The following RPS10 variants were observed in gnomAD, a reference collection of about 807,000 sequenced individuals.
RPS10 encodes small ribosomal subunit protein eS10.
RPS10 carries 2 observed loss-of-function variants against 22.6 expected under a neutral mutation model. The observed-to-expected ratio is 0.09, with a 90% CI of 0.04 to 0.28. The LOEUF (loss-of-function observed/expected upper bound fraction) is 0.28, where lower values mean the gene tolerates loss of function less well. Among genes scored for constraint, RPS10 ranks in the 10% least tolerant of loss-of-function variants. RPS10 has a pLI of 1.00. For missense variants in RPS10, 137 were observed against 222.2 expected (o/e 0.62, Z 2.44); for synonymous variants, 70 against 75.9 (o/e 0.92, Z 0.40).
chr6:34,425,305 C>G, intron 1 of RPS10, 84 bp from the exon 2 acceptor site: 4 of 1,513,986 alleles, frequency 2.6e-6, no homozygotes, highest in Non-Finnish European at 3.6e-6. Context: ...CTAAAGTGAC[C>G]CACACAAAAC....
intron 4 of RPS10, among the ~76,000 whole-genome samples, chr6:34,420,481 G>C (rs912970643): frequency 2.0e-5 from 3 of 152,028 alleles, no homozygotes; most frequent in Non-Finnish European, 4.4e-5. Flanking sequence ...GCCTCCCAAA[G>C]TGCTGGGATT....
In RPS10 at chr6:34,418,087, AC is replaced by A; in HGVS notation, c.456+281del. 7 of 1,212,186 alleles carry A rather than the reference AC, an allele frequency of 5.8e-6. No homozygotes were observed. In the South Asian group the frequency reaches 1.1e-4, roughly 19 times the overall value. 75.1% of individuals were successfully genotyped at this position (1,212,186 alleles called of 1,614,324 possible). ...TCATACCATCTTGGTTCTTAAGCCC[AC>A]CCACCTTCCAGTGTTTAGTTCAATG... On this transcript the variant is annotated intron_variant, in intron 5 of 5. Transcript: ENST00000648437.
rs1765895694 is a variant in RPS10, at chr6:34,424,775, G to C, written c.216C>G (p.Thr72=). 1 of 1,613,980 alleles carries C rather than the reference G, an allele frequency of 6.2e-7. No individual in the cohort carries two copies. Among genetic ancestry groups the C allele is most frequent in the Admixed American group, 1.7e-5 (1 of 59,990 alleles). The change falls in exon 3 of 6, where the codon ACC becomes ACG. Residue 72 remains threonine (T), a synonymous_variant. Coordinates refer to ENST00000648437, the MANE Select transcript of RPS10 (RefSeq NM_001014.5). ...FAWRHFYWYL[T]NEGIQYLRDY... is the part of the protein sequence containing the mutation. ...CACGGAGATACTGGATACCCTCATTGGTAAGGTACCAGTAGAAATGTCTCC... is the reference window on the plus strand; with the variant it reads ...CACGGAGATACTGGATACCCTCATTCGTAAGGTACCAGTAGAAATGTCTCC...
chr6:34,425,369 G>C, intron 1 of RPS10, 148 bp from the exon 2 acceptor site: 1 of 1,002,464 alleles, frequency 1.0e-6, no homozygotes, highest in Non-Finnish European at 1.5e-6. Context: ...ATTCGGCAGA[G>C]GCCAGCTCCG....
intron 5 of RPS10, 151 bp downstream of exon 5, chr6:34,418,218 A>C: frequency 6.5e-7 from 1 of 1,539,672 alleles, no homozygotes; most frequent in Non-Finnish European, 8.8e-7. Context: ...CTACAACTCA[A>C]TGTAAAATTT....
At chr6:34,425,326 A>G (rs1039176026) in intron 1 of RPS10, 105 bp from the exon 2 acceptor site, 66 of 1,444,112 alleles carry the variant, frequency 4.6e-5, no homozygotes, top group Middle Eastern at 1.7e-4. Context: ...CGTAGACAAC[A>G]TGCTGGTGGG....
chr6:34,425,543 C>A, intron 1 of RPS10: 2 of 358,648 alleles, frequency 5.6e-6, no homozygotes, highest in Admixed American at 7.5e-5. Flanking sequence ...AGTTGGAGGC[C>A]ATCAGCGACC....
At chr6:34,421,444 C>T (rs867989015) in intron 4 of RPS10, among the ~76,000 whole-genome samples, 3 of 152,010 alleles carry the variant, frequency 2.0e-5, no homozygotes, top group Admixed American at 6.6e-5. Context: ...TCGACCCCCC[C>T]CCTCCAACCA....
intron 5 of RPS10, chr6:34,417,777 C>G: frequency 2.8e-6 from 2 of 718,570 alleles, no homozygotes; most frequent in Non-Finnish European, 5.2e-6. Flanking sequence ...GGCCACCCAC[C>G]CAGAGTGTGT....
intron 3 of RPS10, among the ~76,000 whole-genome samples, chr6:34,423,891 C>T (rs1765855916): frequency 6.6e-6 from 1 of 151,990 alleles, no homozygotes; most frequent in Non-Finnish European, 1.5e-5. Flanking sequence ...AAAATTATGT[C>T]TACCTAATCA....
At chr6:34,424,496 AAC>A in intron 3 of RPS10, 171 bp downstream of exon 3, 1 of 784,864 alleles carries the variant, frequency 1.3e-6, no homozygotes, top group South Asian at 1.7e-5. Flanking sequence ...TGGCCTGAAG[AAC>A]TGAGTCTAGT....
Position 34,424,720 on chromosome 6 carries a change from G to A in RPS10, c.271C>T (p.Pro91Ser), listed in dbSNP as rs751777525. ...GGACGGCTACGGCGTAGGGTGGCAG[G>A]CACAATCTCCGGGGGCAGATGAAGG... ...DYLHLPPEIV[P>S]ATLRRSRPET... The change falls in exon 3 of 6, where the codon CCT (proline) becomes TCT (serine). Residue 91 changes from proline to serine, a missense_variant. Coordinates refer to ENST00000648437, the MANE Select transcript of RPS10 (RefSeq NM_001014.5). The A allele has an allele frequency of 6.2e-7, 1 of 1,614,156 alleles. No individual in the cohort carries two copies.
At chr6:34,422,365 A>T (rs1765797682) in intron 3 of RPS10, among the ~76,000 whole-genome samples, 1 of 152,182 alleles carries the variant, frequency 6.6e-6, no homozygotes. Context: ...CCCAGGTTGG[A>T]GTGCAGTGGC....
Position 34,417,954 on chromosome 6 carries a change from ACTACC to A in RPS10, c.456+410_457-408del, listed in dbSNP as rs1255808838. On this transcript the variant is annotated intron_variant, in intron 5 of 5. Coordinates refer to ENST00000648437, the MANE Select transcript of RPS10 (RefSeq NM_001014.5). ...TATGCCTGGATTAACTAATCTCACA[ACTACC>A]TTAGTAGCTGTAATTATCACCTTAT... is the stretch of plus-strand genomic sequence containing the variant. 5 of 719,668 alleles carry A rather than the reference ACTACC, an allele frequency of 6.9e-6. No individual in the cohort carries two copies. In the Admixed American group the frequency reaches 1.0e-4, roughly 15 times the overall value. The allele number at this position is 719,668 out of a possible 1,614,324, so 44.6% of individuals were successfully genotyped here.
At chr6:34,421,926 G>C (rs1765782657) in intron 3 of RPS10, 119 bp from the exon 4 acceptor site, 1 of 978,410 alleles carries the variant, frequency 1.0e-6, no homozygotes, top group Non-Finnish European at 1.6e-6. Context: ...GTTAAGATGG[G>C]TTAATGGGGA....
Position 34,421,973 on chromosome 6 carries a change from A to G in RPS10, c.323-166T>C, listed in dbSNP as rs570413935. Reference sequence around the variant, plus strand: ...TAAACCTACAATGTCAGCTAGAAATAATTATTTCTCCATAGAAACTTATTG... The same window carrying G: ...TAAACCTACAATGTCAGCTAGAAATGATTATTTCTCCATAGAAACTTATTG... On this transcript the variant is annotated intron_variant, in intron 3 of 5. Coordinates refer to ENST00000648437, the MANE Select transcript of RPS10 (RefSeq NM_001014.5). Among the ~76,000 whole-genome samples the G allele has an allele frequency of 2.2e-4, 33 of 152,144 alleles. 1 individual carries two copies. Among genetic ancestry groups the G allele is most frequent in the African/African-American group, 8.0e-4 (33 of 41,478 alleles).
intron 4 of RPS10, among the ~76,000 whole-genome samples, chr6:34,421,238 C>G (rs937159096): frequency 6.6e-6 from 1 of 151,768 alleles, no homozygotes; most frequent in East Asian, 2.0e-4. Context: ...AGATCTAATA[C>G]AATGGCATGA....
Position 34,421,753 on chromosome 6 carries a change from G to T in RPS10, c.377C>A (p.Thr126Asn), listed in dbSNP as rs1170462071. The change falls in exon 4 of 6, where the codon ACC (threonine) becomes AAC (asparagine). Residue 126 changes from threonine (T) to asparagine (N), a missense_variant. Physicochemically the swap from Thr to Asn is moderately conservative, Grantham distance 65. Coordinates refer to ENST00000648437, the MANE Select transcript of RPS10 (RefSeq NM_001014.5). Reference protein sequence around the residue: ...RLTRGEADRDTYRRSAVPPGA... With the variant: ...RLTRGEADRDNYRRSAVPPGA... ...ACGTGGCACAGCACTCCGTCTGTAG[G>T]TATCTCTGTCAGCTTCCCCTCTTGT... 3 of 1,613,830 alleles carry T rather than the reference G, an allele frequency of 1.9e-6. No homozygotes were observed. Among genetic ancestry groups the T allele is most frequent in the Non-Finnish European group, 2.5e-6 (3 of 1,179,856 alleles).
intron 3 of RPS10, among the ~76,000 whole-genome samples, chr6:34,423,934 T>C (rs1297753979): frequency 6.6e-6 from 1 of 151,884 alleles, no homozygotes; most frequent in Non-Finnish European, 1.5e-5. Flanking sequence ...CATAACGAAT[T>C]CCTGAGCTCC....
Sources: allele counts gnomAD v4.1 joint callset (sites outside exome capture counted in the v4.1 genomes callset), GRCh38; gene constraint gnomAD v4.1.1; transcripts MANE v1.5; gene names NCBI Gene and HGNC (gene_info 2026-07-23, HGNC 2026-07-21).